XKR9: variants seen among roughly 807,000 people sequenced by gnomAD.
XKR9 encodes the protein XK related 9.
Under a neutral mutation model 32.0 loss-of-function variants are expected in XKR9, and 32 were observed. The ratio of observed to expected loss-of-function variants is 1.00; its 90% CI spans 0.76 to 1.34. XKR9 has a LOEUF of 1.34. Among genes scored for constraint, XKR9 ranks in the 40% most tolerant of loss-of-function variants. XKR9 has a pLI of 0.00. For synonymous variants in XKR9, 168 were observed against 143.4 expected (o/e 1.17, Z -1.22); for missense variants, 546 against 429.7 (o/e 1.27, Z -2.39).
At chr8:70,809,991 A>C in the XKR9 span, among the ~76,000 whole-genome samples, 3 of 152,138 alleles carry the variant, frequency 2.0e-5, no homozygotes, top group Admixed American at 6.5e-5. Context: ...ATAATTGTCA[A>C]ATTCACCAAA....
At chr8:70,730,248 C>A (rs954427030) in intron 4 of XKR9, among the ~76,000 whole-genome samples, 2 of 152,056 alleles carry the variant, frequency 1.3e-5, no homozygotes, top group Non-Finnish European at 2.9e-5. Flanking sequence ...AATGAGAAAA[C>A]CAAATTTCAT....
the XKR9 span, among the ~76,000 whole-genome samples, chr8:71,029,397 T>C: frequency 1.3e-5 from 2 of 152,178 alleles, no homozygotes; most frequent in Non-Finnish European, 2.9e-5. Context: ...GTTTTTTGAT[T>C]TGCCCAAAAG....
At chr8:70,775,926 T>G (rs1268436498) in intron 2 of XKR9, among the ~76,000 whole-genome samples, 3 of 152,018 alleles carry the variant, frequency 2.0e-5, no homozygotes, top group African/African-American at 7.2e-5. Context: ...TAAATTTTTT[T>G]GTCGAGATGG....
At chr8:71,043,052 G>A in the XKR9 span, among the ~76,000 whole-genome samples, 2 of 152,200 alleles carry the variant, frequency 1.3e-5, no homozygotes, top group East Asian at 3.9e-4. Flanking sequence ...AAGAAACATA[G>A]TGTTGAGGCT....
the XKR9 span, among the ~76,000 whole-genome samples, chr8:71,029,980 G>A: frequency 2.2e-4 from 33 of 151,484 alleles, no homozygotes; most frequent in African/African-American, 7.8e-4. Flanking sequence ...TCTTTAATAG[G>A]CTACGATTAA....
At chr8:70,824,315 T>A in the XKR9 span, among the ~76,000 whole-genome samples, 1 of 152,166 alleles carries the variant, frequency 6.6e-6, no homozygotes. Context: ...AACACAATTA[T>A]TGTTTTTAAT....
At chr8:70,989,454 T>C in the XKR9 span, among the ~76,000 whole-genome samples, 1,169 of 152,300 alleles carry the variant, frequency 7.7e-3, 4 homozygotes, top group Non-Finnish European at 0.011. Flanking sequence ...TGCTATTTTG[T>C]TCTTCTTAAA....
the XKR9 span, among the ~76,000 whole-genome samples, chr8:70,809,352 G>C: frequency 5.9e-5 from 9 of 152,282 alleles, no homozygotes; most frequent in Admixed American, 1.3e-4. Context: ...GAAAAAAACA[G>C]AGAAGAAAAA....
the XKR9 span, among the ~76,000 whole-genome samples, chr8:70,944,921 C>A: frequency 1.9e-4 from 29 of 152,088 alleles, no homozygotes; most frequent in African/African-American, 7.0e-4. Context: ...TCTAATACTG[C>A]AGAAAATAGC....
chr8:70,784,659 T>G (rs1807659949), intron 2 of XKR9, among the ~76,000 whole-genome samples: 1 of 152,122 alleles, frequency 6.6e-6, no homozygotes, highest in Non-Finnish European at 1.5e-5. Flanking sequence ...ACAGGTTTAC[T>G]TCTTTCTTTT....
At chr8:70,717,724 G>T (rs1465972861) in intron 4 of XKR9, among the ~76,000 whole-genome samples, 1 of 152,146 alleles carries the variant, frequency 6.6e-6, no homozygotes, top group East Asian at 1.9e-4. Flanking sequence ...CATTGTCCTG[G>T]TGATTAACAT....
At chr8:70,891,106 G>A in the XKR9 span, among the ~76,000 whole-genome samples, 1 of 151,816 alleles carries the variant, frequency 6.6e-6, no homozygotes, top group Non-Finnish European at 1.5e-5. Context: ...AATCTCTAAT[G>A]AGATTTTGTA....
At chr8:70,865,959 A>C in the XKR9 span, among the ~76,000 whole-genome samples, 1 of 152,182 alleles carries the variant, frequency 6.6e-6, no homozygotes, top group Non-Finnish European at 1.5e-5. Flanking sequence ...GAAAGTATTG[A>C]GGTTGTCCTC....
chr8:70,882,042 T>A, the XKR9 span, among the ~76,000 whole-genome samples: 1 of 151,920 alleles, frequency 6.6e-6, no homozygotes, highest in African/African-American at 2.4e-5. Flanking sequence ...ATGTTCTCAC[T>A]CATAGGTGGG....
chr8:70,879,790 C>T, the XKR9 span, among the ~76,000 whole-genome samples: 1 of 152,262 alleles, frequency 6.6e-6, no homozygotes, highest in East Asian at 1.9e-4. Flanking sequence ...CCAACGTCAT[C>T]CTGATACCAA....
intron 2 of XKR9, among the ~76,000 whole-genome samples, chr8:70,760,962 T>G (rs1807300860): frequency 6.6e-6 from 1 of 152,178 alleles, no homozygotes; most frequent in African/African-American, 2.4e-5. Flanking sequence ...GAACATGCAG[T>G]ATTTGGTTTT....
chr8:70,914,635 A>G, the XKR9 span, among the ~76,000 whole-genome samples: 1 of 152,126 alleles, frequency 6.6e-6, no homozygotes, highest in Non-Finnish European at 1.5e-5. Context: ...TTTGTTGGAT[A>G]TATGTATGAC....
chr8:70,726,274 G>A (rs973911004), intron 4 of XKR9, among the ~76,000 whole-genome samples: 4 of 152,184 alleles, frequency 2.6e-5, no homozygotes, highest in African/African-American at 7.2e-5. Flanking sequence ...AAGAATGGAT[G>A]AAACAATGTT....
At position 70,734,398 on chromosome 8, in the gene XKR9, A is replaced by C. The variant is rs751293760; in HGVS notation, c.1096A>C (p.Arg366=). 7 of 1,595,356 alleles carry C rather than the reference A, an allele frequency of 4.4e-6. No homozygotes were observed. The highest frequency in any genetic ancestry group is 3.5e-5 in the Admixed American group (2 of 57,166). ...TGGAAAACCAGTTCTAAGAGAATGT[A>C]GAATGAGATATTTCCTAATGGAATA... ...IDGKPVLREC[R]MRYFLME Residue 366 remains arginine, a synonymous_variant, in exon 5 of 5, where the codon AGA becomes CGA. Transcript: ENST00000408926.
Sources: gnomAD v4.1 joint callset for allele counts (sites outside exome capture counted in the v4.1 genomes callset) on GRCh38, gnomAD v4.1.1 for gene constraint, MANE v1.5 for transcripts, NCBI Gene and HGNC (gene_info 2026-07-23, HGNC 2026-07-21) for gene names.